PDSS2: variants seen among roughly 807,000 people sequenced by gnomAD.
The protein encoded by PDSS2 is decaprenyl diphosphate synthase subunit 2.
PDSS2 carries 31 observed loss-of-function variants against 44.5 expected under a neutral mutation model. The observed-to-expected ratio is 0.70, with a 90% CI of 0.52 to 0.94. PDSS2 has a LOEUF of 0.94. Among genes scored for constraint, PDSS2 ranks in the 40% least tolerant of loss-of-function variants. The pLI is 0.00. For synonymous variants in PDSS2, 157 were observed against 180.3 expected, an observed-to-expected ratio of 0.87 and a Z score of 1.03; for missense variants, 452 against 482.2, an observed-to-expected ratio of 0.94 and a Z score of 0.59.
At chr6:107,444,749 A>G (rs1419902058) in intron 1 of PDSS2, among the ~76,000 whole-genome samples, 2 of 152,330 alleles carry the variant, frequency 1.3e-5, no homozygotes, top group East Asian at 3.9e-4. Context: ...CCATGCAGAA[A>G]GGACTAATGA....
chr6:107,195,437 G>C (rs551496553), intron 6 of PDSS2, among the ~76,000 whole-genome samples: 19 of 136,290 alleles, frequency 1.4e-4, no homozygotes, highest in Non-Finnish European at 2.3e-4. Flanking sequence ...AGCCATAGTT[G>C]CACCACTACA....
intron 1 of PDSS2, among the ~76,000 whole-genome samples, chr6:107,426,993 G>C (rs2114730504): frequency 6.6e-6 from 1 of 152,284 alleles, no homozygotes; most frequent in South Asian, 2.1e-4. Flanking sequence ...CTGCTGGAAA[G>C]GCATAATTGG....
chr6:107,456,360 C>G (rs1782044040), intron 1 of PDSS2, among the ~76,000 whole-genome samples: 1 of 152,092 alleles, frequency 6.6e-6, no homozygotes, highest in African/African-American at 2.4e-5. Flanking sequence ...ATGGTATATT[C>G]ACACAACAGA....
intron 3 of PDSS2, chr6:107,264,340 T>G: frequency 6.7e-7 from 1 of 1,499,314 alleles, no homozygotes; most frequent in Non-Finnish European, 8.9e-7. Context: ...ACATCAGCTA[T>G]GTAAAGAGTA....
intron 1 of PDSS2, among the ~76,000 whole-genome samples, chr6:107,433,159 G>A (rs319107): frequency 0.38 from 57,164 of 151,672 alleles, 13,276 homozygotes; most frequent in Middle Eastern, 0.64. Context: ...TACGTTGACC[G>A]GGTATACTCA....
intron 7 of PDSS2, among the ~76,000 whole-genome samples, chr6:107,190,154 T>C (rs928735910): frequency 2.6e-5 from 4 of 152,138 alleles, no homozygotes; most frequent in African/African-American, 9.7e-5. Flanking sequence ...CTTATCTTTT[T>C]ATTCATATGT....
At chr6:107,162,235 C>T (rs551025303) in intron 7 of PDSS2, among the ~76,000 whole-genome samples, 4 of 152,168 alleles carry the variant, frequency 2.6e-5, no homozygotes, top group African/African-American at 7.2e-5. Context: ...CAGTGGCTCA[C>T]GCCTGTAATC....
chr6:107,375,668 C>T (rs1480771657), intron 1 of PDSS2, among the ~76,000 whole-genome samples: 1 of 152,198 alleles, frequency 6.6e-6, no homozygotes, highest in African/African-American at 2.4e-5. Flanking sequence ...ATGAGGCCAG[C>T]ATTACCTTGA....
At chr6:107,376,711 C>A (rs1337532026) in intron 1 of PDSS2, among the ~76,000 whole-genome samples, 2 of 151,942 alleles carry the variant, frequency 1.3e-5, no homozygotes, top group Admixed American at 6.6e-5. Flanking sequence ...CAAACAGGGA[C>A]AATTTGACTT....
intron 1 of PDSS2, among the ~76,000 whole-genome samples, chr6:107,349,081 T>C (rs192040971): frequency 3.3e-5 from 5 of 152,316 alleles, no homozygotes; most frequent in Middle Eastern, 3.4e-3. Flanking sequence ...TCCTGAGGCA[T>C]TTAAGAGTCA....
intron 4 of PDSS2, among the ~76,000 whole-genome samples, chr6:107,212,592 T>G (rs1773258454): frequency 6.6e-6 from 1 of 152,234 alleles, no homozygotes; most frequent in Non-Finnish European, 1.5e-5. Flanking sequence ...ACTAACTCCC[T>G]TCTATAGTCA....
At chr6:107,210,854 A>AC (rs1230972336) in intron 5 of PDSS2, among the ~76,000 whole-genome samples, 1 of 108,014 alleles carries the variant, frequency 9.3e-6, no homozygotes, top group African/African-American at 5.0e-5. Flanking sequence ...AAAAACAAAA[A>AC]TTGGGGGGGG....
At chr6:107,383,742 T>G (rs936628760) in intron 1 of PDSS2, among the ~76,000 whole-genome samples, 1 of 152,126 alleles carries the variant, frequency 6.6e-6, no homozygotes, top group Non-Finnish European at 1.5e-5. Context: ...TGACACCAAT[T>G]TACACCCATT....
chr6:107,231,003 G>GT (rs750943184), intron 4 of PDSS2, among the ~76,000 whole-genome samples: 19 of 151,992 alleles, frequency 1.3e-4, no homozygotes, highest in Non-Finnish European at 2.2e-4. Context: ...GAACCCAGGA[G>GT]TTTGAGACCA....
At chr6:107,300,995 C>G (rs536291907) in intron 2 of PDSS2, among the ~76,000 whole-genome samples, 54 of 152,226 alleles carry the variant, frequency 3.5e-4, no homozygotes, top group Admixed American at 2.0e-3. Context: ...GCACCACTTT[C>G]CTATGAAAGA....
intron 1 of PDSS2, among the ~76,000 whole-genome samples, chr6:107,377,023 C>T (rs1387805274): frequency 6.6e-6 from 1 of 150,472 alleles, no homozygotes; most frequent in East Asian, 2.0e-4. Flanking sequence ...GCAACAAAAG[C>T]CAAAATTGAC....
intron 7 of PDSS2, among the ~76,000 whole-genome samples, chr6:107,182,513 C>T (rs920662934): frequency 2.0e-5 from 3 of 152,044 alleles, no homozygotes; most frequent in Non-Finnish European, 2.9e-5. Context: ...GTAGTAGAGA[C>T]GGGGTTTTGC....
At chr6:107,438,912 T>G (rs1488928584) in intron 1 of PDSS2, among the ~76,000 whole-genome samples, 2 of 152,162 alleles carry the variant, frequency 1.3e-5, no homozygotes, top group East Asian at 3.8e-4. Context: ...ACACCTAGTT[T>G]TCAGATGTTA....
chr6:107,197,480 CAAA>C (rs1211356401), intron 6 of PDSS2, among the ~76,000 whole-genome samples: 3 of 82,402 alleles, frequency 3.6e-5, no homozygotes, highest in African/African-American at 4.4e-5. Flanking sequence ...ACCCCCATCT[CAAA>C]AAAAAAAAAA....
Sources: allele counts gnomAD v4.1 joint callset (sites outside exome capture counted in the v4.1 genomes callset), GRCh38; gene constraint gnomAD v4.1.1; transcripts MANE v1.5; gene names NCBI Gene and HGNC (gene_info 2026-07-23, HGNC 2026-07-21).